NAV2: variants seen among roughly 807,000 people sequenced by gnomAD.
NAV2 encodes neuron navigator 2.
Under a neutral mutation model 223.2 loss-of-function variants are expected in NAV2, and 54 were observed. That is an observed-to-expected ratio of 0.24 (90% confidence interval 0.19 to 0.30). NAV2 has a LOEUF of 0.30. Among genes scored for constraint, NAV2 ranks in the 10% least tolerant of loss-of-function variants. The pLI is 1.00. For missense variants in NAV2, 2,806 were observed against 3,147.5 expected (o/e 0.89, Z 2.60); for synonymous variants, 1,279 against 1,239.3 (o/e 1.03, Z -0.67).
chr11:19,620,384 A>G (rs2046952016), intron 1 of NAV2, among the ~76,000 whole-genome samples: 7 of 152,198 alleles, frequency 4.6e-5, no homozygotes. Context: ...GATTCTTCCT[A>G]TCCGTGAGCA....
At position 19,700,728 on chromosome 11, in the gene NAV2, A is replaced by T. The variant is rs116242318; in HGVS notation, c.76-131756A>T. Among the ~76,000 whole-genome samples the T allele has an allele frequency of 6.2e-3, 949 of 152,256 alleles. 12 individuals are homozygous for T. The highest frequency in any genetic ancestry group is 0.022 in the African/African-American group (906 of 41,546). On this transcript the variant is annotated intron_variant, in intron 1 of 37. Coordinates refer to the NAV2 transcript ENST00000360655. ...TTCAGATCCTGGCCCCAAACATCTA[A>T]AGGGGTCTAAGATGTCTTACCTGCT...
chr11:19,361,768 C>T (rs538137199), intron 1 of NAV2, among the ~76,000 whole-genome samples: 7 of 152,252 alleles, frequency 4.6e-5, no homozygotes, highest in South Asian at 4.1e-4. Context: ...TAGAACATCA[C>T]GAAGCCCTTT....
intron 1 of NAV2, among the ~76,000 whole-genome samples, chr11:19,668,640 G>T (rs147868444): frequency 1.3e-5 from 2 of 152,010 alleles, no homozygotes; most frequent in East Asian, 3.9e-4. Flanking sequence ...CCAGGGTGGG[G>T]CACACTTTTC....
At chr11:19,585,206 GC>G (rs1419027865) in intron 1 of NAV2, among the ~76,000 whole-genome samples, 10 of 152,098 alleles carry the variant, frequency 6.6e-5, no homozygotes, top group African/African-American at 1.7e-4. Flanking sequence ...TGCAACCCCT[GC>G]CTTTTTTTCT....
intron 28 of NAV2, among the ~76,000 whole-genome samples, chr11:20,092,866 C>T (rs151142249): frequency 3.3e-5 from 5 of 152,252 alleles, no homozygotes; most frequent in South Asian, 2.1e-4. Context: ...GAGTCTCTCC[C>T]TCGCACTTCC....
intron 1 of NAV2, chr11:19,351,056 G>A (rs1281137274): frequency 7.1e-7 from 1 of 1,406,532 alleles, no homozygotes; most frequent in Non-Finnish European, 9.3e-7. Flanking sequence ...TTGGTTGATT[G>A]GATTATGGTG....
At chr11:19,996,644 C>G (rs918539588) in intron 11 of NAV2, among the ~76,000 whole-genome samples, 6 of 152,218 alleles carry the variant, frequency 3.9e-5, no homozygotes, top group African/African-American at 1.4e-4. Context: ...TCTTCCATTG[C>G]CTCCTCTAGG....
chr11:19,949,379 C>T (rs530565873), intron 10 of NAV2, among the ~76,000 whole-genome samples: 4 of 152,308 alleles, frequency 2.6e-5, no homozygotes, highest in South Asian at 2.1e-4. Flanking sequence ...GCAGGTTAGA[C>T]GGCCTCCCCG....
At chr11:19,859,342 C>T (rs1008348717) in intron 3 of NAV2, among the ~76,000 whole-genome samples, 1 of 150,420 alleles carries the variant, frequency 6.6e-6, no homozygotes, top group East Asian at 2.0e-4. Context: ...GGTGATGACT[C>T]TTAACGAGTA....
intron 3 of NAV2, among the ~76,000 whole-genome samples, chr11:19,853,892 C>A (rs1473449151): frequency 2.0e-5 from 3 of 152,142 alleles, no homozygotes; most frequent in African/African-American, 7.2e-5. Context: ...TGCTTAGCAA[C>A]CTGGTAGATG....
Position 19,592,961 on chromosome 11 carries a change from T to C in NAV2, c.76-239523T>C, listed in dbSNP as rs78739369. Among the ~76,000 whole-genome samples the C allele has an allele frequency of 5.1e-3, 770 of 152,302 alleles. 11 individuals are homozygous for C. Among genetic ancestry groups the C allele is most frequent in the African/African-American group, 0.018 (732 of 41,570 alleles). Reference sequence around the variant, plus strand: ...CTGGTTTTCTCCAATGTTTACACATTATGTAATTATAGTACAGTTTCAGAA... The same window carrying C: ...CTGGTTTTCTCCAATGTTTACACATCATGTAATTATAGTACAGTTTCAGAA... On this transcript the variant is annotated intron_variant, in intron 1 of 37. Coordinates refer to the NAV2 transcript ENST00000360655.
chr11:19,582,824 GCTTAGGATTGA>G (rs1282675331), intron 1 of NAV2, among the ~76,000 whole-genome samples: 1 of 152,188 alleles, frequency 6.6e-6, no homozygotes, highest in South Asian at 2.1e-4. Context: ...TGTTCTTTTG[GCTTAGGATTGA>G]CTTAGGATTG....
chr11:19,576,427 A>G (rs899334291), intron 1 of NAV2, among the ~76,000 whole-genome samples: 1 of 152,236 alleles, frequency 6.6e-6, no homozygotes, highest in African/African-American at 2.4e-5. Context: ...TTACAAAAAT[A>G]ATGCATACTA....
intron 6 of NAV2, among the ~76,000 whole-genome samples, chr11:19,901,634 A>T (rs2042453749): frequency 6.6e-6 from 1 of 152,208 alleles, no homozygotes; most frequent in Non-Finnish European, 1.5e-5. Context: ...AGACACCCAG[A>T]CAAATGCCTA....
chr11:19,669,336 C>T (rs1252210944), intron 1 of NAV2, among the ~76,000 whole-genome samples: 1 of 152,240 alleles, frequency 6.6e-6, no homozygotes, highest in Non-Finnish European at 1.5e-5. Context: ...GATGGCCTTT[C>T]TCATTCCTTC....
At chr11:19,411,006 G>A (rs1293712847) in intron 1 of NAV2, among the ~76,000 whole-genome samples, 3 of 152,172 alleles carry the variant, frequency 2.0e-5, no homozygotes, top group African/African-American at 7.2e-5. Context: ...CTGTTGCATG[G>A]GAAAGGCTCC....
intron 1 of NAV2, among the ~76,000 whole-genome samples, chr11:19,488,095 T>G (rs568955974): frequency 6.6e-6 from 1 of 152,326 alleles, no homozygotes; most frequent in African/African-American, 2.4e-5. Context: ...TATCACATGC[T>G]GTCACTAAGT....
chr11:19,819,958 C>G (rs910604779), intron 1 of NAV2, among the ~76,000 whole-genome samples: 4 of 152,216 alleles, frequency 2.6e-5, no homozygotes, highest in African/African-American at 7.2e-5. Context: ...ACTCCAAGGT[C>G]TTGGCTGGGC....
chr11:20,078,353 C>G (rs906960471), intron 24 of NAV2, among the ~76,000 whole-genome samples: 1 of 152,212 alleles, frequency 6.6e-6, no homozygotes, highest in African/African-American at 2.4e-5. Flanking sequence ...TTTCTATTGG[C>G]AGAGTGTTAA....
Sources: allele counts gnomAD v4.1 joint callset (sites outside exome capture counted in the v4.1 genomes callset), GRCh38; gene constraint gnomAD v4.1.1; transcripts MANE v1.5; gene names NCBI Gene and HGNC (gene_info 2026-07-23, HGNC 2026-07-21).